The following OBP2B variants were observed in gnomAD, a reference collection of about 807,000 sequenced individuals.
OBP2B encodes odorant binding protein 2B.
A neutral mutation model predicts 21.7 loss-of-function variants in OBP2B; 10 were observed. That is an observed-to-expected ratio of 0.46 (90% CI 0.28 to 0.78). OBP2B has a LOEUF of 0.78. Among genes scored for constraint, OBP2B ranks in the 30% least tolerant of loss-of-function variants. OBP2B has a pLI of 0.11. For synonymous variants in OBP2B, 73 were observed against 91.5 expected (o/e 0.80, Z 1.16); for missense variants, 153 against 217.7 (o/e 0.70, Z 1.87).
At chr9:133,213,232 T>G (rs1457627409), upstream of OBP2B, among the ~76,000 whole-genome samples, 2 of 152,102 alleles carry the variant, frequency 1.3e-5, no homozygotes, top group Non-Finnish European at 2.9e-5. Context: ...AGAGCGAGAC[T>G]CTACCTCAAA....
intron 2 of OBP2B, 74 bp from the exon 3 acceptor site, chr9:133,208,277 GCCCTGA>G (rs1448720190): frequency 1.2e-6 from 2 of 1,605,330 alleles, no homozygotes; most frequent in Admixed American, 3.3e-5. Context: ...CTGGTGCATG[GCCCTGA>G]CCCGGCAACC....
chr9:133,206,389 G>A lies in OBP2B; in HGVS notation c.416C>T (p.Ala139Val), dbSNP rs376939460. The A allele has an allele frequency of 2.5e-6, 4 of 1,613,948 alleles. No individual in the cohort carries two copies. In the African/African-American group the frequency reaches 5.3e-5, roughly 22 times the overall value. Residue 139 changes from alanine to valine, a missense_variant, in exon 5 of 7, where the codon GCC (alanine) becomes GTC (valine). By Grantham distance (64) the Ala-to-Val change is moderately conservative (BLOSUM62 0). Around this residue, in one of 2 missense-constraint regions of OBP2B, gnomAD observed 151 missense variants for 186.3 expected, o/e 0.81. Coordinates refer to ENST00000372034, the MANE Select transcript of OBP2B (RefSeq NM_014581.4). ...CACCAATTTCTTAAATTCTTCCAGG[G>A]CCTCCCGGTTGGTATCAGAATTCCT... ...VGRNSDTNRE[A>V]LEEFKKLVQR...
Position 133,207,441 on chromosome 9 carries a change from C to T in OBP2B, c.278-105G>A. On this transcript the variant is annotated intron_variant, in intron 3 of 6. Coordinates refer to ENST00000372034, the MANE Select transcript of OBP2B (RefSeq NM_014581.4). ...CGGTCACCCAGGTGCCCTGGACAGC[C>T]TGAGCCAGGCCTGGCTGCTCCGCAC... The T allele has an allele frequency of 3.9e-6, 3 of 760,744 alleles. No individual in the cohort carries two copies. In the South Asian group the frequency reaches 5.0e-5, roughly 13 times the overall value. The allele number at this position is 760,744 out of a possible 1,614,324, so 47.1% of individuals were successfully genotyped here.
chr9:133,207,408 T>C (rs1833765124), intron 3 of OBP2B, 72 bp from the exon 4 acceptor site: 1 of 1,062,724 alleles, frequency 9.4e-7, no homozygotes, highest in Non-Finnish European at 1.4e-6. Flanking sequence ...CACTCGGGAA[T>C]GTTTCAGCGG....
chr9:133,215,320 A>G, the OBP2B span, among the ~76,000 whole-genome samples: 2 of 152,260 alleles, frequency 1.3e-5, no homozygotes, highest in Non-Finnish European at 2.9e-5. Context: ...TAGGAGACTC[A>G]ACATAATAAA....
chr9:133,212,994 G>A (rs185858247), upstream of OBP2B, among the ~76,000 whole-genome samples: 3 of 151,762 alleles, frequency 2.0e-5, no homozygotes, highest in Admixed American at 6.6e-5. Context: ...GGAGCCCCAC[G>A]TGGGCAGATC....
chr9:133,208,275 T>A (rs782136835), intron 2 of OBP2B, 72 bp from the exon 3 acceptor site: 1 of 1,606,350 alleles, frequency 6.2e-7, no homozygotes, highest in Non-Finnish European at 8.5e-7. Context: ...ACCTGGTGCA[T>A]GGCCCTGACC....
chr9:133,208,791 C>G (rs546819341), intron 1 of OBP2B, among the ~76,000 whole-genome samples, 189 bp from the exon 2 acceptor site: 21 of 152,216 alleles, frequency 1.4e-4, no homozygotes, highest in African/African-American at 4.6e-4. Flanking sequence ...GCTCAGGGCT[C>G]CCAGCCCCCA....
upstream of OBP2B, among the ~76,000 whole-genome samples, chr9:133,210,595 T>C (rs1460162446): frequency 1.3e-5 from 2 of 151,874 alleles, no homozygotes; most frequent in Non-Finnish European, 2.9e-5. Context: ...TCGTATTTCA[T>C]TGGTTGTTTG....
chr9:133,209,116 A>C lies in OBP2B; in HGVS notation c.72+12T>G, dbSNP rs782243317. On this transcript the variant is annotated intron_variant, in intron 1 of 6. Coordinates refer to ENST00000372034, the MANE Select transcript of OBP2B (RefSeq NM_014581.4). The surrounding 1 kb of genome is among the most constrained non-coding windows in gnomAD (Gnocchi z 6.0). ...CCTGGCTCCTCCATCCGCCCACGCC[A>C]ACCCAGCTCACATCCTCCTCCTCCA... The C allele has an allele frequency of 6.2e-7, 1 of 1,611,892 alleles. No homozygotes were observed. Among genetic ancestry groups the C allele is most frequent in the African/African-American group, 1.3e-5 (1 of 74,870 alleles).
intron 3 of OBP2B, chr9:133,207,708 C>A (rs577678622): frequency 4.3e-5 from 25 of 577,566 alleles, no homozygotes; most frequent in African/African-American, 4.1e-4. Flanking sequence ...GCCTCCTCAT[C>A]CCTAACCCTC....
At chr9:133,216,463 T>C in the OBP2B span, among the ~76,000 whole-genome samples, 1 of 150,882 alleles carries the variant, frequency 6.6e-6, no homozygotes, top group Non-Finnish European at 1.5e-5. Flanking sequence ...GGACAGTTTC[T>C]GGAAAATGGC....
the OBP2B span, among the ~76,000 whole-genome samples, chr9:133,222,410 CTG>C: frequency 1.3e-5 from 2 of 152,346 alleles, no homozygotes; most frequent in Non-Finnish European, 2.9e-5. Flanking sequence ...TTTGAGAAGT[CTG>C]TGTTTCTCCT....
the OBP2B span, among the ~76,000 whole-genome samples, chr9:133,222,100 A>G: frequency 6.6e-6 from 1 of 152,100 alleles, no homozygotes; most frequent in African/African-American, 2.4e-5. Context: ...TGTGGACCCA[A>G]GCTGAGTGTG....
In OBP2B at chr9:133,205,600, G is replaced by A. The variant is rs1833677930; in HGVS notation, c.*2-189C>T. Reference sequence around the variant, plus strand: ...AGCATCCTTGGTGGGTGGATGGTGGGGAGTGGACCGCGTGGGGACAGGTGC... The same window carrying A: ...AGCATCCTTGGTGGGTGGATGGTGGAGAGTGGACCGCGTGGGGACAGGTGC... On this transcript the variant is annotated intron_variant, in intron 6 of 6. Coordinates refer to ENST00000372034, the MANE Select transcript of OBP2B (RefSeq NM_014581.4). 9 of 607,206 alleles carry A rather than the reference G, an allele frequency of 1.5e-5. No individual in the cohort carries two copies. In the South Asian group the frequency reaches 1.8e-4, roughly 12 times the overall value. The allele number at this position is 607,206 out of a possible 1,614,324, so 37.6% of individuals were successfully genotyped here.
intron 4 of OBP2B, among the ~76,000 whole-genome samples, 157 bp downstream of exon 4, chr9:133,207,069 A>G (rs1833743653): frequency 6.6e-6 from 1 of 152,070 alleles, no homozygotes; most frequent in South Asian, 2.1e-4. Context: ...TTCCCACTTC[A>G]GGTACTTGGA....
upstream of OBP2B, among the ~76,000 whole-genome samples, chr9:133,210,197 C>T (rs1331024797): frequency 1.3e-5 from 2 of 152,134 alleles, no homozygotes; most frequent in Non-Finnish European, 2.9e-5. Flanking sequence ...TTTGCCTTCT[C>T]CCTCCCGGAC....
rs1263427240 is a variant in OBP2B at position 133,208,575 on chromosome 9, T to A, written c.100A>T (p.Met34Leu). Residue 34 changes from methionine to leucine, a missense_variant, in exon 2 of 7, where the codon ATG (methionine) becomes TTG (leucine). Physicochemically the swap from Met to Leu is conservative, Grantham distance 15. Transcript: ENST00000372034. The stretch of plus-strand genomic sequence containing the variant: ...TCCGGAAAGTCCTTATCGACCACCA[T>A]GGCCTTCACGTACCAGGTCCCTGTG... ...DITGTWYVKA[M>L]VVDKDFPEDR... The A allele has an allele frequency of 1.2e-6, 2 of 1,612,086 alleles. No homozygotes were observed. The highest frequency in any genetic ancestry group is 3.3e-5 in the Admixed American group (2 of 59,756).
At position 133,206,413 on chromosome 9, in the gene OBP2B, C is replaced by T; in HGVS notation, c.392G>A (p.Arg131Lys). 6.2e-7 allele frequency: 1 copy of T among 1,613,958 alleles called. No individual in the cohort carries two copies. The highest frequency in any genetic ancestry group is 1.1e-5 in the South Asian group (1 of 91,076). Residue 131 changes from arginine to lysine, a missense_variant, in exon 5 of 7, where the codon AGG becomes AAG. Transcript: ENST00000372034. ...GGCCTCCCGGTTGGTATCAGAATTC[C>T]TACCTGCAGGTGAGGTGGCCAGGTG... ...GLLHMGKLVG[R>K]NSDTNREALE...
Sources: allele counts gnomAD v4.1 joint callset (sites outside exome capture counted in the v4.1 genomes callset), GRCh38; gene constraint gnomAD v4.1.1; regional missense constraint gnomAD v4.1.1; non-coding constraint Gnocchi (gnomAD v3.1); transcripts MANE v1.5; gene names NCBI Gene and HGNC (gene_info 2026-07-23, HGNC 2026-07-21).